Variants in WWOX observed in about 807,000 individuals in gnomAD.
The protein encoded by WWOX is WW domain containing oxidoreductase.
Under a neutral mutation model 46.2 loss-of-function variants are expected in WWOX, and 69 were observed. The ratio of observed to expected loss-of-function variants is 1.49; its 90% CI spans 1.23 to 1.82. The LOEUF (loss-of-function observed/expected upper bound fraction) is 1.82. Among genes scored for constraint, WWOX ranks in the 40% most tolerant of loss-of-function variants. The probability of loss-of-function intolerance (pLI) is 0.00; values close to 1 mark genes in which losing one functional copy is unlikely to be tolerated. For missense variants in WWOX, 919 were observed against 542.6 expected, an observed-to-expected ratio of 1.69 and a Z score of -6.89; for synonymous variants, 359 against 202.6, an observed-to-expected ratio of 1.77 and a Z score of -6.56.
At chr16:78,921,737 A>G (rs1228399710) in intron 8 of WWOX, among the ~76,000 whole-genome samples, 5 of 152,164 alleles carry the variant, frequency 3.3e-5, no homozygotes, top group Admixed American at 3.3e-4. Context: ...CTCATGGGCT[A>G]CTGTGAGGAG....
chr16:78,576,420 C>T (rs1436189682), intron 8 of WWOX, among the ~76,000 whole-genome samples: 2 of 152,180 alleles, frequency 1.3e-5, no homozygotes, highest in Non-Finnish European at 2.9e-5. Context: ...GTTCCTTTTG[C>T]ACACTTTCCT....
At chr16:78,413,363 G>A (rs913674741) in intron 6 of WWOX, among the ~76,000 whole-genome samples, 1 of 152,134 alleles carries the variant, frequency 6.6e-6, no homozygotes, top group East Asian at 1.9e-4. Flanking sequence ...GGCTGAGTCT[G>A]AAAAAGGAGT....
chr16:78,365,591 G>C (rs937128118), intron 5 of WWOX, among the ~76,000 whole-genome samples: 4 of 152,156 alleles, frequency 2.6e-5, no homozygotes, highest in Non-Finnish European at 5.9e-5. Flanking sequence ...TCATAGTGTT[G>C]CTTGTAATTC....
chr16:78,861,740 C>T (rs2043889949), intron 8 of WWOX, among the ~76,000 whole-genome samples: 1 of 152,192 alleles, frequency 6.6e-6, no homozygotes, highest in Non-Finnish European at 1.5e-5. Context: ...ACCTTTAACT[C>T]ATTTCCTTCT....
intron 8 of WWOX, among the ~76,000 whole-genome samples, chr16:78,862,552 C>T (rs76873778): frequency 0.041 from 6,184 of 152,072 alleles, 158 homozygotes; most frequent in Non-Finnish European, 0.059. Flanking sequence ...GGAATTGACT[C>T]ATGAAATTAC....
intron 8 of WWOX, among the ~76,000 whole-genome samples, chr16:79,164,313 C>G (rs144283167): frequency 1.7e-3 from 256 of 152,272 alleles, no homozygotes; most frequent in African/African-American, 5.9e-3. Flanking sequence ...TGCTGGTTAA[C>G]CAGTTAAAAC....
chr16:78,331,582 G>T (rs987634343), intron 5 of WWOX, among the ~76,000 whole-genome samples: 4 of 152,180 alleles, frequency 2.6e-5, no homozygotes, highest in Non-Finnish European at 5.9e-5. Flanking sequence ...GCACACAGAC[G>T]TGGCCCTGTA....
At chr16:78,973,704 A>G (rs2046516487) in intron 8 of WWOX, among the ~76,000 whole-genome samples, 1 of 152,180 alleles carries the variant, frequency 6.6e-6, no homozygotes. Flanking sequence ...TTAAAGCTTG[A>G]GTTCAATTTG....
chr16:79,060,270 A>G (rs2048335169), intron 8 of WWOX, among the ~76,000 whole-genome samples: 1 of 152,214 alleles, frequency 6.6e-6, no homozygotes, highest in Non-Finnish European at 1.5e-5. Flanking sequence ...GGAAATTGCA[A>G]AAATACTACA....
At chr16:78,806,735 T>C (rs1230533073) in intron 8 of WWOX, among the ~76,000 whole-genome samples, 1 of 152,146 alleles carries the variant, frequency 6.6e-6, no homozygotes, top group Non-Finnish European at 1.5e-5. Flanking sequence ...GCATTCTATT[T>C]TTTAGGCTGT....
At chr16:78,421,217 T>A (rs1476904562) in intron 6 of WWOX, among the ~76,000 whole-genome samples, 1 of 152,196 alleles carries the variant, frequency 6.6e-6, no homozygotes, top group Admixed American at 6.5e-5. Context: ...TCTCTTACAG[T>A]TTCAGAGACC....
At chr16:78,154,485 C>CTTTTTTT (rs557916068) in intron 4 of WWOX, among the ~76,000 whole-genome samples, 14 of 77,820 alleles carry the variant, frequency 1.8e-4, no homozygotes, top group Non-Finnish European at 2.1e-4. Flanking sequence ...AATCCTTGAT[C>CTTTTTTT]TTTTTTTTTT....
At chr16:78,956,755 G>C (rs1266189968) in intron 8 of WWOX, among the ~76,000 whole-genome samples, 1 of 152,066 alleles carries the variant, frequency 6.6e-6, no homozygotes, top group African/African-American at 2.4e-5. Flanking sequence ...CAAGAAATTT[G>C]GGATCTGCTG....
intron 8 of WWOX, among the ~76,000 whole-genome samples, chr16:79,136,509 G>A (rs1380283525): frequency 2.6e-5 from 4 of 152,138 alleles, no homozygotes; most frequent in Admixed American, 6.5e-5. Context: ...GATTACAGGC[G>A]TGAGCTACCA....
At chr16:78,199,203 C>T (rs896644013) in intron 5 of WWOX, among the ~76,000 whole-genome samples, 3 of 152,110 alleles carry the variant, frequency 2.0e-5, no homozygotes, top group African/African-American at 4.8e-5. Flanking sequence ...ATCCAAGCTA[C>T]TCGGGAGGCT....
Position 78,369,313 on chromosome 16 carries a change from G to C in WWOX, c.517-17547G>C, listed in dbSNP as rs528163688. Among the ~76,000 whole-genome samples the C allele has an allele frequency of 2.0e-5, 3 of 151,856 alleles. No individual in the cohort carries two copies. The East Asian group carries it at 5.8e-4, about 29-fold the overall frequency. The stretch of plus-strand genomic sequence containing the variant: ...GAAACTCACATATTTCATACTCAGG[G>C]GTATCTTTTAAGTGTGAAGCAAGAG... On this transcript the variant is annotated intron_variant, in intron 5 of 8. Transcript: ENST00000566780.
intron 8 of WWOX, among the ~76,000 whole-genome samples, chr16:78,987,717 C>T (rs1008979029): frequency 6.6e-6 from 1 of 152,174 alleles, no homozygotes; most frequent in Admixed American, 6.5e-5. Context: ...TCATTTCGCG[C>T]TAATGAGAGT....
chr16:78,550,891 T>A (rs757041313), intron 8 of WWOX: 3 of 152,194 alleles, frequency 2.0e-5, no homozygotes, highest in Non-Finnish European at 2.9e-5. Flanking sequence ...AGAGATGGTA[T>A]GACTTATCAC....
chr16:78,390,229 A>T (rs1244158932), intron 6 of WWOX, among the ~76,000 whole-genome samples: 2 of 152,226 alleles, frequency 1.3e-5, no homozygotes, highest in African/African-American at 4.8e-5. Context: ...CTCTGTCAGA[A>T]TGTGTTGGAA....
Sources: allele counts gnomAD v4.1 joint callset (sites outside exome capture counted in the v4.1 genomes callset), GRCh38; gene constraint gnomAD v4.1.1; transcripts MANE v1.5; gene names NCBI Gene and HGNC (gene_info 2026-07-23, HGNC 2026-07-21).